The following PLD1 variants were observed in gnomAD, a reference collection of about 807,000 sequenced individuals.
The protein encoded by PLD1 is phospholipase D1, also known as choline phosphatase 1.
PLD1 carries 112 observed loss-of-function variants against 137.1 expected under a neutral mutation model. The observed-to-expected ratio is 0.82, with a 90% CI of 0.70 to 0.96. The LOEUF (loss-of-function observed/expected upper bound fraction) is 0.96. Among genes scored for constraint, PLD1 ranks in the 40% least tolerant of loss-of-function variants. The pLI, the probability that PLD1 is intolerant of heterozygous loss-of-function variation, is 0.00. For missense variants in PLD1, 1,321 were observed against 1,342.0 expected (o/e 0.98, Z 0.24); for synonymous variants, 431 against 454.7 (o/e 0.95, Z 0.66).
In PLD1 at chr3:171,659,876, T is replaced by C. The variant is rs139772601; in HGVS notation, c.2341-575A>G. On this transcript the variant is annotated intron_variant, in intron 20 of 26. Transcript: ENST00000351298. The stretch of plus-strand genomic sequence containing the variant: ...AACTCTCTTTTGTATGTTGCATATA[T>C]ATAAGCCAGTTAATAAAATAAAAAA... 1.2e-4 allele frequency among the ~76,000 whole-genome samples: 19 copies of C among 152,348 alleles called. No homozygotes were observed. In the East Asian group the frequency reaches 3.7e-3, roughly 29 times the overall value.
chr3:171,792,529 T>C lies in PLD1; in HGVS notation c.-32+17870A>G, dbSNP rs1050825058. On this transcript the variant is annotated intron_variant, in intron 1 of 26. Transcript: ENST00000351298. ...GGGCCCTCAGACACGAAGGTCTCGC[T>C]GAGCAAACCAGGGGACAAACCAGGA... The C allele has an allele frequency of 1.1e-5, 5 of 454,902 alleles. No individual in the cohort carries two copies. The Admixed American group carries it at 1.2e-4, about 11-fold the overall frequency. 28.2% of individuals were successfully genotyped at this position (454,902 alleles called of 1,614,324 possible). A position where few individuals can be genotyped will look rare whatever the true frequency, so the allele number is the denominator to read the frequency against.
In PLD1 at chr3:171,612,263, A is replaced by C; in HGVS notation, c.2882+16T>G. On this transcript the variant is annotated intron_variant, in intron 25 of 26. Transcript: ENST00000351298. The surrounding 1 kb of genome is among the most constrained non-coding windows in gnomAD (Gnocchi z 4.1). ...CAGTGGAAATGCATCAGAGAGACAC[A>C]CTTTGGCGGACTGACCTAAAGCACT... 6.2e-7 allele frequency: 1 copy of C among 1,612,686 alleles called. No homozygotes were observed.
At chr3:171,760,322 C>T (rs553488254) in intron 1 of PLD1, among the ~76,000 whole-genome samples, 1 of 152,258 alleles carries the variant, frequency 6.6e-6, no homozygotes, top group African/African-American at 2.4e-5. Context: ...ACTTTCCCTG[C>T]CTTCATCTAG....
chr3:171,754,182 C>T (rs774940510), intron 1 of PLD1, among the ~76,000 whole-genome samples: 4 of 152,162 alleles, frequency 2.6e-5, no homozygotes, highest in Non-Finnish European at 5.9e-5. Flanking sequence ...GAGGCTGTCT[C>T]TAAATCCTGA....
At chr3:171,650,169 G>A (rs73038091) in intron 21 of PLD1, among the ~76,000 whole-genome samples, 9,714 of 152,202 alleles carry the variant, frequency 0.064, 942 homozygotes, top group African/African-American at 0.21. Flanking sequence ...CTAAGCTGAG[G>A]CAGGAGTGTA....
At chr3:171,764,825 GAGAAAGAAAGAA>G (rs1226169438) in intron 1 of PLD1, among the ~76,000 whole-genome samples, 2,231 of 22,568 alleles carry the variant, frequency 0.099, 69 homozygotes, top group Middle Eastern at 0.27. Flanking sequence ...AAGAAAGAAA[GAGAAAGAAAGAA>G]AGAAAGAAAG....
chr3:171,705,673 C>T (rs1420451338), intron 11 of PLD1, among the ~76,000 whole-genome samples: 1 of 152,140 alleles, frequency 6.6e-6, no homozygotes, highest in Non-Finnish European at 1.5e-5. Context: ...CTACTGTATA[C>T]CCTTTGAAAT....
chr3:171,654,787 G>A (rs1737053473), intron 21 of PLD1, among the ~76,000 whole-genome samples: 1 of 150,916 alleles, frequency 6.6e-6, no homozygotes, highest in Admixed American at 6.6e-5. Context: ...TTAGAGTGAA[G>A]ATTTGTTTTT....
At chr3:171,727,718 A>G (rs2108245836) in intron 6 of PLD1, among the ~76,000 whole-genome samples, 1 of 152,266 alleles carries the variant, frequency 6.6e-6, no homozygotes, top group South Asian at 2.1e-4. Flanking sequence ...AGCTGACATG[A>G]CATCACAGAG....
In PLD1 at chr3:171,687,355, C is replaced by T. The variant is rs1714670480; in HGVS notation, c.1753+16G>A. 3.1e-6 allele frequency: 5 copies of T among 1,608,154 alleles called. No homozygotes were observed. Among genetic ancestry groups the T allele is most frequent in the Non-Finnish European group, 4.3e-6 (5 of 1,174,602 alleles). On this transcript the variant is annotated intron_variant, in intron 15 of 26. Transcript: ENST00000351298. Reference sequence around the variant, plus strand: ...GTGGGTAGTTAAGATAAATTCTAGTCAAGGCCATGACTTACTGGAGGTGCT... The same window carrying T: ...GTGGGTAGTTAAGATAAATTCTAGTTAAGGCCATGACTTACTGGAGGTGCT...
At chr3:171,669,660 G>GT (rs770476473) in intron 19 of PLD1, among the ~76,000 whole-genome samples, 2 of 152,180 alleles carry the variant, frequency 1.3e-5, no homozygotes, top group Non-Finnish European at 2.9e-5. Flanking sequence ...CTTGGCCTCC[G>GT]TAAGTGCTGG....
At position 171,612,790 on chromosome 3, in the gene PLD1, T is replaced by C. The variant is rs556386465; in HGVS notation, c.2729-358A>G. On this transcript the variant is annotated intron_variant, in intron 24 of 26. Transcript: ENST00000351298. This position sits in a 1 kb window ranked among gnomAD's most constrained non-coding sequence, Gnocchi z 4.1. ...CCTTTGGATATCTTGGCTTGAAGGGTTGGAAGAAGACATGATTCCAGGAGC... is the reference window on the plus strand; with the variant it reads ...CCTTTGGATATCTTGGCTTGAAGGGCTGGAAGAAGACATGATTCCAGGAGC... 3.9e-5 allele frequency among the ~76,000 whole-genome samples: 6 copies of C among 152,202 alleles called. No individual in the cohort carries two copies. Among genetic ancestry groups the C allele is most frequent in the African/African-American group, 1.2e-4 (5 of 41,522 alleles).
At chr3:171,806,246 GA>G (rs889901090) in intron 1 of PLD1, among the ~76,000 whole-genome samples, 1 of 151,782 alleles carries the variant, frequency 6.6e-6, no homozygotes, top group Admixed American at 6.6e-5. Context: ...TTTCACAACA[GA>G]AAAAAAACAC....
intron 21 of PLD1, among the ~76,000 whole-genome samples, chr3:171,646,188 G>A (rs1000506227): frequency 1.3e-5 from 2 of 152,146 alleles, no homozygotes; most frequent in African/African-American, 4.8e-5. Context: ...AAAAAGCCTC[G>A]AAAGGAATGT....
intron 16 of PLD1, among the ~76,000 whole-genome samples, chr3:171,682,156 G>GAAAC: frequency 1.6e-5 from 1 of 63,870 alleles, no homozygotes; most frequent in East Asian, 3.2e-4. Context: ...AAGAAAGAAA[G>GAAAC]AAAGAAAGAA....
chr3:171,759,105 T>C (rs1001567810), intron 1 of PLD1, among the ~76,000 whole-genome samples: 2 of 152,016 alleles, frequency 1.3e-5, no homozygotes, highest in African/African-American at 4.8e-5. Context: ...CACAATTTTT[T>C]TTTTAGCACA....
intron 1 of PLD1, among the ~76,000 whole-genome samples, chr3:171,742,838 GA>G (rs1372717521): frequency 1.3e-5 from 2 of 152,110 alleles, no homozygotes; most frequent in African/African-American, 2.4e-5. Flanking sequence ...GAGTTTAGCT[GA>G]CTTTGAATAA....
At chr3:171,633,885 G>C (rs906926424) in intron 23 of PLD1, among the ~76,000 whole-genome samples, 2 of 151,976 alleles carry the variant, frequency 1.3e-5, no homozygotes, top group African/African-American at 4.8e-5. Flanking sequence ...TCTGAAGACT[G>C]GTATATCAGA....
At chr3:171,661,271 A>G (rs1158124047) in intron 20 of PLD1, among the ~76,000 whole-genome samples, 2 of 152,184 alleles carry the variant, frequency 1.3e-5, no homozygotes, top group Non-Finnish European at 2.9e-5. Flanking sequence ...GAAGAAAAAC[A>G]GGGCTAGAAT....
Sources: allele counts gnomAD v4.1 joint callset (sites outside exome capture counted in the v4.1 genomes callset), GRCh38; gene constraint gnomAD v4.1.1; non-coding constraint Gnocchi (gnomAD v3.1); transcripts MANE v1.5; gene names NCBI Gene and HGNC (gene_info 2026-07-23, HGNC 2026-07-21).